Variants in DHRS7 observed in about 807,000 individuals in gnomAD.
DHRS7 encodes dehydrogenase/reductase SDR family member 7.
In DHRS7, 34 loss-of-function variants were observed where a neutral mutation model predicts 38.9. The observed-to-expected ratio is 0.87, with a 90% confidence interval of 0.66 to 1.16. DHRS7 has a LOEUF of 1.16. Ranked by LOEUF, DHRS7 falls within the 50% of genes most tolerant of loss-of-function variation. The pLI is 0.00. For missense variants in DHRS7, 421 were observed against 407.0 expected (o/e 1.03, Z -0.30); for synonymous variants, 158 against 153.1 (o/e 1.03, Z -0.24).
intron 1 of DHRS7, chr14:60,158,970 G>A (rs758053748): frequency 5.0e-5 from 15 of 300,966 alleles, no homozygotes; most frequent in African/African-American, 9.0e-5. Context: ...TTCTGGTGTC[G>A]GTGGGTCCAA....
At position 60,153,896 on chromosome 14, in the gene DHRS7, G is replaced by T. The variant is rs1306230546; in HGVS notation, c.393+63C>A. On this transcript the variant is annotated intron_variant, in intron 3 of 6. Coordinates refer to ENST00000557185, the MANE Select transcript of DHRS7 (RefSeq NM_016029.4). This position sits in a 1 kb window ranked among gnomAD's most constrained non-coding sequence, Gnocchi z 4.4. ...AAAGCCCTTTGTATGACAGCACCAC[G>T]GATGGGAATCTCTTCTGCAGTTACT... 6.8e-7 allele frequency: 1 copy of T among 1,463,172 alleles called. No individual in the cohort carries two copies. The highest frequency in any genetic ancestry group is 1.4e-5 in the African/African-American group (1 of 71,854). The allele number at this position is 1,463,172 out of a possible 1,614,324, so 90.6% of individuals were successfully genotyped here.
At chr14:60,154,925 G>T (rs906830983) in intron 2 of DHRS7, among the ~76,000 whole-genome samples, 1 of 152,026 alleles carries the variant, frequency 6.6e-6, no homozygotes, top group Non-Finnish European at 1.5e-5. Context: ...AGAGGCCTTT[G>T]AAAGCAGTAT....
intron 4 of DHRS7, 131 bp from the exon 5 acceptor site, chr14:60,150,318 C>CT (rs558750959): frequency 1.0e-4 from 80 of 788,016 alleles, no homozygotes; most frequent in Middle Eastern, 7.4e-4. Flanking sequence ...TTATTAGGCA[C>CT]TTTTTTTTAT....
chr14:60,152,038 TG>T (rs1472144588), intron 4 of DHRS7, among the ~76,000 whole-genome samples: 4 of 152,228 alleles, frequency 2.6e-5, no homozygotes, highest in African/African-American at 9.7e-5. Flanking sequence ...GCTTCATCAC[TG>T]TCTGCAATTG....
chr14:60,144,883 G>T lies in DHRS7; in HGVS notation c.*83C>A. 1 of 1,155,302 alleles carries T rather than the reference G, an allele frequency of 8.7e-7. No individual in the cohort carries two copies. The highest frequency in any genetic ancestry group is 1.3e-5 in the South Asian group (1 of 76,034). The allele number at this position is 1,155,302 out of a possible 1,614,324, so 71.6% of individuals were successfully genotyped here. ...AAAGTAAAATCACAAATTAGTCTTT[G>T]ATTATTCAGAAGCATAAGAAGATTG... On this transcript the variant is annotated 3_prime_UTR_variant, in exon 7 of 7. Transcript: ENST00000557185.
At chr14:60,158,429 T>A (rs973636099) in intron 1 of DHRS7, among the ~76,000 whole-genome samples, 24 of 152,130 alleles carry the variant, frequency 1.6e-4, no homozygotes, top group African/African-American at 5.3e-4. Context: ...CTACTTGTTG[T>A]TCCCAAGTTC....
chr14:60,155,188 C>A (rs1040310169), intron 2 of DHRS7, among the ~76,000 whole-genome samples: 9 of 152,096 alleles, frequency 5.9e-5, no homozygotes, highest in Non-Finnish European at 7.3e-5. Flanking sequence ...GTGGCTCACA[C>A]CTGTAATCCC....
chr14:60,167,666 G>A (rs113656606), upstream of DHRS7, among the ~76,000 whole-genome samples: 2,891 of 152,262 alleles, frequency 0.019, 40 homozygotes, highest in Middle Eastern at 0.044. Flanking sequence ...GTCCCTAGGC[G>A]GGGGAAAAAA....
chr14:60,167,011 C>T (rs1167695275), upstream of DHRS7, among the ~76,000 whole-genome samples: 1 of 151,902 alleles, frequency 6.6e-6, no homozygotes, highest in Non-Finnish European at 1.5e-5. Flanking sequence ...AGATGGTTAA[C>T]GGATACAAAA....
At position 60,145,277 on chromosome 14, in the gene DHRS7, A is replaced by G. The variant is rs774443954; in HGVS notation, c.973-264T>C. The G allele has an allele frequency of 2.1e-5, 6 of 284,058 alleles. No homozygotes were observed. The highest frequency in any genetic ancestry group is 4.4e-5 in the African/African-American group (2 of 45,388). 17.6% of individuals were successfully genotyped at this position (284,058 alleles called of 1,614,324 possible). ...ATTGGACTGCAATGCTAAATTCTCT[A>G]TAATGACTTTTCTGGATCAGCATAT... On this transcript the variant is annotated intron_variant, in intron 6 of 6. Transcript: ENST00000557185. This position sits in a 1 kb window ranked among gnomAD's most constrained non-coding sequence, Gnocchi z 4.0.
chr14:60,169,448 C>A (rs1896907158), upstream of DHRS7, among the ~76,000 whole-genome samples: 1 of 152,240 alleles, frequency 6.6e-6, no homozygotes, highest in Admixed American at 6.5e-5. Context: ...GCTATTGCAG[C>A]TTCTACCTCT....
At chr14:60,165,856 C>G (rs1896860691), upstream of DHRS7, among the ~76,000 whole-genome samples, 1 of 152,182 alleles carries the variant, frequency 6.6e-6, no homozygotes, top group African/African-American at 2.4e-5. This position sits in a 1 kb window ranked among gnomAD's most constrained non-coding sequence, Gnocchi z 4.6. Context: ...ACTCAAGACC[C>G]CACAAGCCAA....
chr14:60,149,359 A>C lies in DHRS7; in HGVS notation c.966T>G (p.Ser322Arg), dbSNP rs749157801. 1.2e-6 allele frequency: 2 copies of C among 1,613,856 alleles called. No homozygotes were observed. Among genetic ancestry groups the C allele is most frequent in the South Asian group, 2.2e-5 (2 of 91,070 alleles). ...MGKKRIENFK[S>R]GVDADSSYFK... ...ACTTAGAAATTGGTCTTACCACACC[A>C]CTCTTAAAGTTCTCAATCCTTTTCT... Residue 322 changes from serine (S) to arginine (R), a missense_variant, in exon 6 of 7, where the codon AGT becomes AGG. By Grantham distance (110) the Ser-to-Arg change is moderately radical. Transcript: ENST00000557185.
chr14:60,155,914 A>T, intron 2 of DHRS7, 86 bp downstream of exon 2: 1 of 1,287,024 alleles, frequency 7.8e-7, no homozygotes, highest in South Asian at 2.4e-5. Flanking sequence ...GGGAAATCTC[A>T]CTCCTCTCTA....
In DHRS7 at chr14:60,148,196, G is replaced by C. The variant is rs187075132; in HGVS notation, c.972+1157C>G. On this transcript the variant is annotated intron_variant, in intron 6 of 6. Coordinates refer to ENST00000557185, the MANE Select transcript of DHRS7 (RefSeq NM_016029.4). This position sits in a 1 kb window ranked among gnomAD's most constrained non-coding sequence, Gnocchi z 4.8. Reference sequence around the variant, plus strand: ...ATTCATTTTCACTGTCCTGCAAAGAGTTGGAATAAATTAAATGTCTAACAA... The same window carrying C: ...ATTCATTTTCACTGTCCTGCAAAGACTTGGAATAAATTAAATGTCTAACAA... 65 of 152,318 alleles carry C rather than the reference G, an allele frequency of 4.3e-4. No individual in the cohort carries two copies. The highest frequency in any genetic ancestry group is 1.5e-3 in the African/African-American group (63 of 41,558). 9.4% of individuals were successfully genotyped at this position (152,318 alleles called of 1,614,324 possible). A position where few individuals can be genotyped will look rare whatever the true frequency, so the allele number is the denominator to read the frequency against.
chr14:60,145,619 A>C lies in DHRS7; in HGVS notation c.973-606T>G, dbSNP rs1354360351. ...AATCCAGGAGGCGGAGGTTGCAGTG[A>C]GCTGAGACTGCGCCATTGCACTCCA... On this transcript the variant is annotated intron_variant, in intron 6 of 6. Transcript: ENST00000557185. This position sits in a 1 kb window ranked among gnomAD's most constrained non-coding sequence, Gnocchi z 4.0. 1 of 152,174 alleles carries C rather than the reference A, an allele frequency of 6.6e-6. No individual in the cohort carries two copies. The highest frequency in any genetic ancestry group is 1.5e-5 in the Non-Finnish European group (1 of 68,042). The allele number at this position is 152,174 out of a possible 1,614,324, so 9.4% of individuals were successfully genotyped here.
chr14:60,157,002 G>GAGAC (rs1896673712), intron 1 of DHRS7, among the ~76,000 whole-genome samples: 5 of 152,316 alleles, frequency 3.3e-5, no homozygotes, highest in Admixed American at 2.0e-4. Flanking sequence ...TAAAGTCACT[G>GAGAC]TTATGCAAAG....
Position 60,155,900 on chromosome 14 carries a change from CG to C in DHRS7, c.286+99del, listed in dbSNP as rs112753980. 26 of 1,213,400 alleles carry C rather than the reference CG, an allele frequency of 2.1e-5. No homozygotes were observed. In the African/African-American group the frequency reaches 2.5e-4, roughly 12 times the overall value. 75.2% of individuals were successfully genotyped at this position (1,213,400 alleles called of 1,614,324 possible). ...ATGAAGCATGTAGAACATTTGGAGC[CG>C]GGGGGAAATCTCACTCCTCTCTAAA... On this transcript the variant is annotated intron_variant, in intron 2 of 6. Transcript: ENST00000557185.
rs1019632201 is a variant in DHRS7, at chr14:60,146,068, A to T, written c.973-1055T>A. ...AAATAGTGGGAGAGAGGAAGAGTAC[A>T]GACTATAAAGAATGAGGTATTATGT... On this transcript the variant is annotated intron_variant, in intron 6 of 6. Transcript: ENST00000557185. The surrounding 1 kb of genome is among the most constrained non-coding windows in gnomAD (Gnocchi z 4.9). 6.6e-6 allele frequency: 1 copy of T among 151,040 alleles called. No homozygotes were observed. The highest frequency in any genetic ancestry group is 2.1e-4 in the South Asian group (1 of 4,822). 9.4% of individuals were successfully genotyped at this position (151,040 alleles called of 1,614,324 possible). A position where few individuals can be genotyped will look rare whatever the true frequency, so the allele number is the denominator to read the frequency against.
Sources: allele counts gnomAD v4.1 joint callset (sites outside exome capture counted in the v4.1 genomes callset), GRCh38; gene constraint gnomAD v4.1.1; non-coding constraint Gnocchi (gnomAD v3.1); transcripts MANE v1.5; gene names NCBI Gene and HGNC (gene_info 2026-07-23, HGNC 2026-07-21).